ANKRD30A: variants seen among roughly 807,000 people sequenced by gnomAD.
The protein encoded by ANKRD30A is ankyrin repeat domain-containing protein 30A.
A neutral mutation model predicts 166.3 loss-of-function variants in ANKRD30A; 170 were observed. The observed-to-expected ratio is 1.02, with a 90% CI of 0.90 to 1.16. The LOEUF (loss-of-function observed/expected upper bound fraction) is 1.16, where lower values mean the gene tolerates loss of function less well. Among genes scored for constraint, ANKRD30A ranks in the 50% most tolerant of loss-of-function variants. The pLI, the probability that ANKRD30A is intolerant of heterozygous loss-of-function variation, is 0.00. For synonymous variants in ANKRD30A, 564 were observed against 508.9 expected (o/e 1.11, Z -1.46); for missense variants, 1,630 against 1,518.0 (o/e 1.07, Z -1.23).
intron 17 of ANKRD30A, 23 bp downstream of exon 17, chr10:37,162,871 G>C: frequency 6.2e-7 from 1 of 1,606,598 alleles, no homozygotes; most frequent in Non-Finnish European, 8.5e-7. Context: ...ATGTAACTAT[G>C]GAAAGACCAA....
intron 34 of ANKRD30A, among the ~76,000 whole-genome samples, chr10:37,224,306 A>T (rs953853183): frequency 4.6e-5 from 7 of 151,136 alleles, no homozygotes; most frequent in African/African-American, 1.7e-4. Context: ...ATTTTTAAAC[A>T]TCATCAAAAA....
chr10:37,137,037 C>T (rs1220502340), intron 6 of ANKRD30A, among the ~76,000 whole-genome samples: 1 of 151,842 alleles, frequency 6.6e-6, no homozygotes, highest in African/African-American at 2.4e-5. Context: ...CCTCAACTGT[C>T]CTAACAACTT....
chr10:37,202,748 A>G (rs1386693107), intron 31 of ANKRD30A, among the ~76,000 whole-genome samples: 1 of 152,220 alleles, frequency 6.6e-6, no homozygotes, highest in African/African-American at 2.4e-5. Flanking sequence ...TAGCAAGACT[A>G]ATAAAGAAGA....
chr10:37,240,514 C>A, the ANKRD30A span, among the ~76,000 whole-genome samples: 2 of 152,126 alleles, frequency 1.3e-5, no homozygotes, highest in South Asian at 4.1e-4. Context: ...TCTTGGAATA[C>A]AATAAAAATG....
chr10:37,136,618 A>T lies in ANKRD30A; in HGVS notation c.767A>T (p.Gln256Leu), dbSNP rs879076424. The change falls in exon 6 of 36, where the codon CAA becomes CTA. Residue 256 changes from glutamine (Q) to leucine (L), a missense_variant. Physicochemically the swap from Gln to Leu is moderately radical, Grantham distance 113. Coordinates refer to ENST00000361713, the MANE Select transcript of ANKRD30A (RefSeq NM_052997.3). ...VTCGFHHIHE[Q>L]IMEYIRKLSK... The stretch of plus-strand genomic sequence containing the variant: ...ATTTTTATACATAGCATTCATGAAC[A>T]AATTATGGAATATATACGAAAATTA... 3 of 1,385,728 alleles carry T rather than the reference A, an allele frequency of 2.2e-6. No individual in the cohort carries two copies. Among genetic ancestry groups the T allele is most frequent in the Non-Finnish European group, 3.0e-6 (3 of 1,006,792 alleles). The allele number at this position is 1,385,728 out of a possible 1,614,324, so 85.8% of individuals were successfully genotyped here. A position where few individuals can be genotyped will look rare whatever the true frequency, so the allele number is the denominator to read the frequency against.
chr10:37,211,184 A>AT (rs1468680148), intron 31 of ANKRD30A, among the ~76,000 whole-genome samples: 3 of 151,912 alleles, frequency 2.0e-5, no homozygotes, highest in African/African-American at 7.3e-5. Context: ...GTACATGTGC[A>AT]TAACATGCAG....
intron 15 of ANKRD30A, among the ~76,000 whole-genome samples, chr10:37,161,363 A>C (rs1160093501): frequency 6.6e-6 from 1 of 152,218 alleles, no homozygotes. Context: ...ACTATCACTA[A>C]ACAAAGAGAA....
At chr10:37,257,755 T>C in the ANKRD30A span, among the ~76,000 whole-genome samples, 1 of 152,148 alleles carries the variant, frequency 6.6e-6, no homozygotes, top group African/African-American at 2.4e-5. Context: ...CATATACAAA[T>C]TAGAGTACAC....
At chr10:37,136,013 A>G (rs747805718) in intron 5 of ANKRD30A, among the ~76,000 whole-genome samples, 10 of 152,152 alleles carry the variant, frequency 6.6e-5, no homozygotes, top group Non-Finnish European at 1.3e-4. Flanking sequence ...GGTTGTCATG[A>G]ACTTCTGGGC....
chr10:37,204,923 G>A (rs1479879148), intron 31 of ANKRD30A, among the ~76,000 whole-genome samples: 1 of 152,124 alleles, frequency 6.6e-6, no homozygotes, highest in Non-Finnish European at 1.5e-5. Flanking sequence ...CAGTTAGAAT[G>A]GCGATCATTA....
chr10:37,225,084 A>G (rs1390063356), intron 34 of ANKRD30A, among the ~76,000 whole-genome samples: 2 of 151,248 alleles, frequency 1.3e-5, no homozygotes, highest in Non-Finnish European at 1.5e-5. Context: ...AAAAGTAATC[A>G]TGGTTCAAAA....
Position 37,226,022 on chromosome 10 carries a change from G to A in ANKRD30A, c.4186-5439G>A, listed in dbSNP as rs967563143. ...GTGTTTGTATATATTTGTCTGTTCT[G>A]GAAGCTTTATCTTGTTCAAATCACA... is the stretch of plus-strand genomic sequence containing the variant. On this transcript the variant is annotated intron_variant, in intron 34 of 35. Coordinates refer to ENST00000361713, the MANE Select transcript of ANKRD30A (RefSeq NM_052997.3). Among the ~76,000 whole-genome samples, 3 of 151,436 alleles carry A rather than the reference G, an allele frequency of 2.0e-5. No homozygotes were observed. In the East Asian group the frequency reaches 5.9e-4, roughly 30 times the overall value.
At chr10:37,206,345 A>T (rs1403479426) in intron 31 of ANKRD30A, among the ~76,000 whole-genome samples, 3 of 152,196 alleles carry the variant, frequency 2.0e-5, no homozygotes, top group Non-Finnish European at 4.4e-5. Flanking sequence ...AGGAGGTATT[A>T]CTAGATTTGG....
At chr10:37,207,225 T>A (rs1842046461) in intron 31 of ANKRD30A, among the ~76,000 whole-genome samples, 1 of 152,190 alleles carries the variant, frequency 6.6e-6, no homozygotes, top group Non-Finnish European at 1.5e-5. Context: ...CAATTTTACA[T>A]TCAGCTAAAC....
chr10:37,210,610 A>G (rs1564574776), intron 31 of ANKRD30A, among the ~76,000 whole-genome samples: 1 of 152,164 alleles, frequency 6.6e-6, no homozygotes, highest in Non-Finnish European at 1.5e-5. Flanking sequence ...CTATTTCTCC[A>G]CATCCTCTCC....
intron 33 of ANKRD30A, 67 bp downstream of exon 33, chr10:37,217,945 C>T (rs1366107863): frequency 1.7e-6 from 2 of 1,180,620 alleles, no homozygotes; most frequent in Non-Finnish European, 2.3e-6. Context: ...TTTTAATATC[C>T]CTTTGATTTA....
At chr10:37,148,224 A>C (rs1254380058) in intron 9 of ANKRD30A, among the ~76,000 whole-genome samples, 1 of 152,116 alleles carries the variant, frequency 6.6e-6, no homozygotes, top group Non-Finnish European at 1.5e-5. Flanking sequence ...GAGGCCATTC[A>C]TGGGAAAAAT....
intron 7 of ANKRD30A, among the ~76,000 whole-genome samples, chr10:37,143,521 G>T (rs1294733490): frequency 6.6e-6 from 1 of 152,112 alleles, no homozygotes; most frequent in Non-Finnish European, 1.5e-5. Context: ...AGGTGTGGCG[G>T]CATGCACCTG....
chr10:37,133,540 A>G (rs1836499404), intron 4 of ANKRD30A, among the ~76,000 whole-genome samples: 1 of 152,222 alleles, frequency 6.6e-6, no homozygotes, highest in South Asian at 2.1e-4. Flanking sequence ...TATTCCTAAT[A>G]TTGTTTTAAG....
Sources: allele counts gnomAD v4.1 joint callset (sites outside exome capture counted in the v4.1 genomes callset), GRCh38; gene constraint gnomAD v4.1.1; transcripts MANE v1.5; gene names NCBI Gene and HGNC (gene_info 2026-07-23, HGNC 2026-07-21).